UNC119B: variants seen among roughly 807,000 people sequenced by gnomAD.
UNC119B encodes the protein protein unc-119 homolog B.
A neutral mutation model predicts 23.4 loss-of-function variants in UNC119B; 16 were observed. That is an observed-to-expected ratio of 0.68 (90% confidence interval 0.46 to 1.04). The LOEUF is 1.04. UNC119B is among the 50% of genes least tolerant of loss of function. The pLI, the probability that UNC119B is intolerant of heterozygous loss-of-function variation, is 0.00. For synonymous variants in UNC119B, 144 were observed against 145.4 expected, an observed-to-expected ratio of 0.99 and a Z score of 0.07; for missense variants, 350 against 361.3, an observed-to-expected ratio of 0.97 and a Z score of 0.25.
At chr12:120,718,023 C>T (rs1245017898) in intron 4 of UNC119B, among the ~76,000 whole-genome samples, 3 of 152,128 alleles carry the variant, frequency 2.0e-5, no homozygotes, top group Non-Finnish European at 4.4e-5. Flanking sequence ...TGCCCACCAC[C>T]ATGCCCGGCT....
intron 4 of UNC119B, among the ~76,000 whole-genome samples, chr12:120,719,301 C>CT (rs1882842209): frequency 6.6e-6 from 1 of 152,180 alleles, no homozygotes; most frequent in African/African-American, 2.4e-5. Flanking sequence ...TTAAAGAGGT[C>CT]TGGGCAATTG....
intron 4 of UNC119B, among the ~76,000 whole-genome samples, chr12:120,717,281 CCT>C (rs1434811115): frequency 6.6e-6 from 1 of 151,958 alleles, no homozygotes; most frequent in Non-Finnish European, 1.5e-5. Context: ...GTTTTTTTCC[CCT>C]GAGACAGAGT....
In UNC119B at chr12:120,710,547, G is replaced by C; in HGVS notation, c.73G>C (p.Glu25Gln). Reference protein sequence around the residue: ...AGPGGLVAGKEEKKKAGGGVL... With the variant: ...AGPGGLVAGKQEKKKAGGGVL... ...GCCCGGGGGGCTGGTGGCTGGCAAG[G>C]AGGAGAAGAAGAAGGCGGGCGGCGG... The change falls in exon 1 of 5, where the codon GAG (glutamate) becomes CAG (glutamine). Residue 25 changes from glutamate to glutamine, a missense_variant. Coordinates refer to ENST00000344651, the MANE Select transcript of UNC119B (RefSeq NM_001080533.3). 2.9e-6 allele frequency: 4 copies of C among 1,390,280 alleles called. No individual in the cohort carries two copies. The highest frequency in any genetic ancestry group is 2.8e-6 in the Non-Finnish European group (3 of 1,078,222). The allele number at this position is 1,390,280 out of a possible 1,614,324, so 86.1% of individuals were successfully genotyped here. A position where few individuals can be genotyped will look rare whatever the true frequency, so the allele number is the denominator to read the frequency against.
intron 1 of UNC119B, chr12:120,711,280 CAT>C: frequency 6.6e-6 from 1 of 152,292 alleles, no homozygotes; most frequent in Non-Finnish European, 1.5e-5. Context: ...CCTCAAAACA[CAT>C]AGCCGTGGCA....
At position 120,721,199 on chromosome 12, in the gene UNC119B, C is replaced by T. The variant is rs1882891719; in HGVS notation, c.*1167C>T. Reference sequence around the variant, plus strand: ...ACGTAATGCAGTCTGAGCCTTCAGACTGCTAGTTAGAATTGTTTTAGGTGT... The same window carrying T: ...ACGTAATGCAGTCTGAGCCTTCAGATTGCTAGTTAGAATTGTTTTAGGTGT... On this transcript the variant is annotated 3_prime_UTR_variant, in exon 5 of 5. Transcript: ENST00000344651. 6.6e-6 allele frequency: 1 copy of T among 152,216 alleles called. No individual in the cohort carries two copies. Among genetic ancestry groups the T allele is most frequent in the South Asian group, 2.1e-4 (1 of 4,834 alleles). The allele number at this position is 152,216 out of a possible 1,614,324, so 9.4% of individuals were successfully genotyped here.
chr12:120,714,341 GAC>G (rs755282121), intron 2 of UNC119B, among the ~76,000 whole-genome samples: 1 of 151,806 alleles, frequency 6.6e-6, no homozygotes, highest in Non-Finnish European at 1.5e-5. Context: ...TTTGTTTTGA[GAC>G]ACAGTCTTGG....
At position 120,720,305 on chromosome 12, in the gene UNC119B, A is replaced by C. The variant is rs1324716124; in HGVS notation, c.*273A>C. ...AGGATAAGGGTCCTGGAATCCAGATAAAAAAGTTTATTTTCCGTAGTTCTG... is the reference window on the plus strand; with the variant it reads ...AGGATAAGGGTCCTGGAATCCAGATCAAAAAGTTTATTTTCCGTAGTTCTG... On this transcript the variant is annotated 3_prime_UTR_variant, in exon 5 of 5. Coordinates refer to ENST00000344651, the MANE Select transcript of UNC119B (RefSeq NM_001080533.3). 2.8e-6 allele frequency: 1 copy of C among 352,556 alleles called. No individual in the cohort carries two copies. Among genetic ancestry groups the C allele is most frequent in the Non-Finnish European group, 5.1e-6 (1 of 195,512 alleles). The allele number at this position is 352,556 out of a possible 1,614,324, so 21.8% of individuals were successfully genotyped here.
chr12:120,714,314 G>GT (rs58868791), intron 2 of UNC119B, among the ~76,000 whole-genome samples: 5,166 of 148,026 alleles, frequency 0.035, 99 homozygotes, highest in South Asian at 0.063. Context: ...TGTTTTGTGG[G>GT]TTTTTTTTTT....
chr12:120,719,903 C>G lies in UNC119B; in HGVS notation c.644-17C>G. The G allele has an allele frequency of 1.9e-6, 3 of 1,589,988 alleles. No homozygotes were observed. Among genetic ancestry groups the G allele is most frequent in the Non-Finnish European group, 2.6e-6 (3 of 1,158,644 alleles). ...ATAATTCTTTGCTTTTTTCTTCCCC[C>G]TTTGCCTGACTTGCAGTTCGTCTAA... On this transcript the variant is annotated splice_polypyrimidine_tract_variant and intron_variant, in intron 4 of 4. Coordinates refer to ENST00000344651, the MANE Select transcript of UNC119B (RefSeq NM_001080533.3).
Position 120,710,472 on chromosome 12 carries a change from G to T in UNC119B, c.-3G>T. The T allele has an allele frequency of 7.8e-7, 1 of 1,289,476 alleles. No homozygotes were observed. The highest frequency in any genetic ancestry group is 9.8e-7 in the Non-Finnish European group (1 of 1,019,602). 79.9% of individuals were successfully genotyped at this position (1,289,476 alleles called of 1,614,324 possible). On this transcript the variant is annotated 5_prime_UTR_variant, in exon 1 of 5. Transcript: ENST00000344651. ...AGGCGGCGGCCATCTTGGCGGCGGA[G>T]CGATGAGCGGGTCTAACCCGAAGGC...
In UNC119B at chr12:120,713,536, G is replaced by C. The variant is rs1882712266; in HGVS notation, c.358+149G>C. On this transcript the variant is annotated intron_variant, in intron 2 of 4. Transcript: ENST00000344651. ...TCCCGTGGCCTGGTCTGCCAGGCAT[G>C]GTGGTTTGAAGCTGCGTTCAGAGGC... is the stretch of plus-strand genomic sequence containing the variant. 10 of 624,734 alleles carry C rather than the reference G, an allele frequency of 1.6e-5. No individual in the cohort carries two copies. The Admixed American group carries it at 1.7e-4, about 11-fold the overall frequency. The allele number at this position is 624,734 out of a possible 1,614,324, so 38.7% of individuals were successfully genotyped here. A position where few individuals can be genotyped will look rare whatever the true frequency, so the allele number is the denominator to read the frequency against.
chr12:120,719,330 T>C (rs956213306), intron 4 of UNC119B, among the ~76,000 whole-genome samples: 4 of 152,258 alleles, frequency 2.6e-5, no homozygotes, highest in African/African-American at 9.6e-5. Flanking sequence ...AACAAGACTT[T>C]ACTTTAGATC....
At chr12:120,719,165 A>T (rs1882839799) in intron 4 of UNC119B, among the ~76,000 whole-genome samples, 1 of 152,214 alleles carries the variant, frequency 6.6e-6, no homozygotes, top group Non-Finnish European at 1.5e-5. Context: ...TCATTAACTC[A>T]AAACTGATCA....
At position 120,713,341 on chromosome 12, in the gene UNC119B, G is replaced by A; in HGVS notation, c.312G>A (p.Leu104=). The stretch of plus-strand genomic sequence containing the variant: ...TCACCCGCTTCAAAATTCGAGATTT[G>A]GAGACAGGGACAGTACTTTTTGAGA... ...IDFTRFKIRD[L]ETGTVLFEIA... Residue 104 remains leucine, a synonymous_variant, in exon 2 of 5, where the codon TTG becomes TTA. Coordinates refer to ENST00000344651, the MANE Select transcript of UNC119B (RefSeq NM_001080533.3). 6.2e-7 allele frequency: 1 copy of A among 1,614,106 alleles called. No individual in the cohort carries two copies. The highest frequency in any genetic ancestry group is 8.5e-7 in the Non-Finnish European group (1 of 1,179,956).
intron 4 of UNC119B, among the ~76,000 whole-genome samples, chr12:120,718,787 G>C (rs757798102): frequency 1.1e-4 from 16 of 152,218 alleles, no homozygotes; most frequent in Non-Finnish European, 2.2e-4. Flanking sequence ...GGTCCTCTCA[G>C]AATCCCAGGT....
chr12:120,710,922 A>C, intron 1 of UNC119B: 1 of 425,916 alleles, frequency 2.3e-6, no homozygotes, highest in Non-Finnish European at 3.7e-6. Context: ...CCTGGGCTGG[A>C]CCGCATTCCT....
intron 2 of UNC119B, among the ~76,000 whole-genome samples, chr12:120,715,172 CAG>C (rs2136930471): frequency 6.6e-6 from 1 of 152,306 alleles, no homozygotes; most frequent in South Asian, 2.1e-4. Flanking sequence ...GCAAAGGTGA[CAG>C]AGTGAGACCC....
chr12:120,716,150 C>T (rs1220113748), intron 2 of UNC119B, among the ~76,000 whole-genome samples: 1 of 152,204 alleles, frequency 6.6e-6, no homozygotes, highest in African/African-American at 2.4e-5. Flanking sequence ...TAGGTTGGTG[C>T]TAGCGCTTCA....
rs1461211736 is a variant in UNC119B at position 120,723,118 on chromosome 12, C to G, written c.*3086C>G. 5 of 154,052 alleles carry G rather than the reference C, an allele frequency of 3.2e-5. No homozygotes were observed. Among genetic ancestry groups the G allele is most frequent in the Non-Finnish European group, 7.3e-5 (5 of 68,252 alleles). 9.5% of individuals were successfully genotyped at this position (154,052 alleles called of 1,614,324 possible). On this transcript the variant is annotated 3_prime_UTR_variant, in exon 5 of 5. Coordinates refer to ENST00000344651, the MANE Select transcript of UNC119B (RefSeq NM_001080533.3). ...AGTCCTGCCTTAGTGTGTCCTGCCC[C>G]ACCGGTACGCTTCCAGGATACTCTT...
Sources: allele counts gnomAD v4.1 joint callset (sites outside exome capture counted in the v4.1 genomes callset), GRCh38; gene constraint gnomAD v4.1.1; transcripts MANE v1.5; gene names NCBI Gene and HGNC (gene_info 2026-07-23, HGNC 2026-07-21).